Variants in C3orf38 observed in about 807,000 individuals in gnomAD.
C3orf38 encodes the protein uncharacterized protein C3orf38.
In C3orf38, 18 loss-of-function variants were observed where a neutral mutation model predicts 28.3. The ratio of observed to expected loss-of-function variants is 0.64; its 90% CI spans 0.44 to 0.94. The LOEUF is 0.94. C3orf38 is among the 40% of genes least tolerant of loss of function. The probability of loss-of-function intolerance (pLI) is 0.00; values close to 1 mark genes in which losing one functional copy is unlikely to be tolerated. For synonymous variants in C3orf38, 145 were observed against 138.1 expected (o/e 1.05, Z -0.35); for missense variants, 364 against 396.4 (o/e 0.92, Z 0.69).
intron 1 of C3orf38, among the ~76,000 whole-genome samples, chr3:88,150,436 A>G (rs1046840503): frequency 2.0e-5 from 3 of 152,214 alleles, no homozygotes; most frequent in African/African-American, 7.2e-5. Flanking sequence ...AGTCATTTAA[A>G]TTTTTAAAAA....
rs1295713150 is a variant in C3orf38 at position 88,156,146 on chromosome 3, G to A, written c.501G>A (p.Trp167Ter). ...NPFLGPPQDE[W>*]GPQHFWHDVK... is the part of the protein sequence containing the mutation. Reference sequence around the variant, plus strand: ...TTCTAGGACCACCTCAAGATGAATGGGGACCACAGCACTTCTGGCATGATG... The same window carrying A: ...TTCTAGGACCACCTCAAGATGAATGAGGACCACAGCACTTCTGGCATGATG... The change falls in exon 3 of 3, where the codon TGG (tryptophan) becomes TGA (stop). Residue 167 changes from tryptophan to a stop codon, truncating the protein, a stop_gained. Coordinates refer to ENST00000318887, the MANE Select transcript of C3orf38 (RefSeq NM_173824.4). LOFTEE classifies it high-confidence loss of function. 1.6e-5 allele frequency: 26 copies of A among 1,613,692 alleles called. No individual in the cohort carries two copies. Among genetic ancestry groups the A allele is most frequent in the Non-Finnish European group, 2.2e-5 (26 of 1,179,882 alleles).
At chr3:88,150,794 G>A (rs1216268565) in intron 1 of C3orf38, 1 of 152,190 alleles carries the variant, frequency 6.6e-6, no homozygotes, top group Non-Finnish European at 1.5e-5. Context: ...GTGTCGGGTA[G>A]CTAGTTTTAT....
At chr3:88,154,899 C>T (rs1319948725) in intron 2 of C3orf38, among the ~76,000 whole-genome samples, 1 of 151,252 alleles carries the variant, frequency 6.6e-6, no homozygotes, top group Non-Finnish European at 1.5e-5. Context: ...TGCCCTGTCA[C>T]CCAGGCTGGA....
rs934207874 is a variant in C3orf38 at position 88,157,383 on chromosome 3, A to C, written c.*748A>C. 1 of 152,222 alleles carries C rather than the reference A, an allele frequency of 6.6e-6. No homozygotes were observed. Among genetic ancestry groups the C allele is most frequent in the Non-Finnish European group, 1.5e-5 (1 of 68,026 alleles). 9.4% of individuals were successfully genotyped at this position (152,222 alleles called of 1,614,324 possible). ...CTTTATTCTTACCTAGGCTTCAGAC[A>C]ACAGTTTTATAGAGCAGTTACTGTA... On this transcript the variant is annotated 3_prime_UTR_variant, in exon 3 of 3. Coordinates refer to ENST00000318887, the MANE Select transcript of C3orf38 (RefSeq NM_173824.4).
In C3orf38 at chr3:88,150,035, T is replaced by TC. The variant is rs11374933; in HGVS notation, c.-11dup. The TC allele has an allele frequency of 0.83, 1,327,708 of 1,604,646 alleles. 554,598 individuals carry two copies. The highest frequency in any genetic ancestry group is 0.9 in the South Asian group (81,700 of 90,526). On this transcript the variant is annotated 5_prime_UTR_variant, in exon 1 of 3. Coordinates refer to ENST00000318887, the MANE Select transcript of C3orf38 (RefSeq NM_173824.4). The stretch of plus-strand genomic sequence containing the variant: ...GGGGCGACATTGTTGCCGTTGTCTT[T>TC]CCCCCCCAGTCCCGGGGATGGAGAT...
chr3:88,157,894 C>T lies in C3orf38; in HGVS notation c.*1259C>T, dbSNP rs550174500. The T allele has an allele frequency of 5.9e-5, 9 of 151,834 alleles. No homozygotes were observed. The highest frequency in any genetic ancestry group is 2.2e-4 in the African/African-American group (9 of 41,418). 9.4% of individuals were successfully genotyped at this position (151,834 alleles called of 1,614,324 possible). ...TGTTTTTTTAATGCTATGCCTCTTACGAGGAATACGAATTGGTATGTCCTA... is the reference window on the plus strand; with the variant it reads ...TGTTTTTTTAATGCTATGCCTCTTATGAGGAATACGAATTGGTATGTCCTA... On this transcript the variant is annotated 3_prime_UTR_variant, in exon 3 of 3. Transcript: ENST00000318887.
intron 2 of C3orf38, among the ~76,000 whole-genome samples, chr3:88,154,964 C>T (rs550501968): frequency 9.2e-4 from 139 of 151,862 alleles, no homozygotes; most frequent in Middle Eastern, 6.8e-3. Flanking sequence ...GGTTCAAGCA[C>T]TTCTCCTGCC....
At chr3:88,152,307 G>A (rs1315108607) in intron 1 of C3orf38, among the ~76,000 whole-genome samples, 2 of 152,110 alleles carry the variant, frequency 1.3e-5, no homozygotes, top group African/African-American at 4.8e-5. Context: ...CCCCTTGGGA[G>A]ACTGAGGGAG....
At chr3:88,150,306 T>A in intron 1 of C3orf38, 121 bp downstream of exon 1, 2 of 1,187,954 alleles carry the variant, frequency 1.7e-6, no homozygotes, top group Non-Finnish European at 2.3e-6. Context: ...CTGGAACCAC[T>A]ACGCCGACTT....
intron 1 of C3orf38, among the ~76,000 whole-genome samples, chr3:88,152,697 G>A (rs1279350453): frequency 6.7e-6 from 1 of 148,792 alleles, no homozygotes; most frequent in East Asian, 2.0e-4. Context: ...GGAGCTTGCA[G>A]TAATCCCAGA....
chr3:88,152,041 G>A (rs1238717501), intron 1 of C3orf38, among the ~76,000 whole-genome samples: 1 of 152,188 alleles, frequency 6.6e-6, no homozygotes, highest in Non-Finnish European at 1.5e-5. Context: ...CCTAAGCTAG[G>A]GGGTATGCAT....
At chr3:88,154,206 ATTTTC>A (rs1171127118) in intron 2 of C3orf38, among the ~76,000 whole-genome samples, 6 of 152,070 alleles carry the variant, frequency 3.9e-5, no homozygotes, top group Admixed American at 1.3e-4. Context: ...TTTAAAAAAA[ATTTTC>A]TTTTAAGTTC....
rs748380297 is a variant in C3orf38, at chr3:88,156,480, A to G, written c.835A>G (p.Ser279Gly). 86 of 1,614,098 alleles carry G rather than the reference A, an allele frequency of 5.3e-5. No homozygotes were observed. Among genetic ancestry groups the G allele is most frequent in the Middle Eastern group, 4.9e-4 (3 of 6,082 alleles). The change falls in exon 3 of 3, where the codon AGT becomes GGT. Residue 279 changes from serine to glycine, a missense_variant. Ser to Gly is a moderately conservative substitution (Grantham distance 56). Transcript: ENST00000318887. ...TATCAACCTGAAAATTATGGGAGAGAGTTCCCTTGCTCCTGGAACATTACC... is the reference window on the plus strand; with the variant it reads ...TATCAACCTGAAAATTATGGGAGAGGGTTCCCTTGCTCCTGGAACATTACC... ...KFINLKIMGE[S>G]SLAPGTLPKP...
intron 2 of C3orf38, among the ~76,000 whole-genome samples, chr3:88,155,105 C>T (rs1285506295): frequency 6.6e-6 from 1 of 152,126 alleles, no homozygotes; most frequent in African/African-American, 2.4e-5. Context: ...AGTGATCTGC[C>T]TGCCTCAGCC....
In C3orf38 at chr3:88,156,342, A is replaced by G. The variant is rs1183779201; in HGVS notation, c.697A>G (p.Met233Val). The change falls in exon 3 of 3, where the codon ATG becomes GTG. Residue 233 changes from methionine to valine, a missense_variant. Physicochemically the swap from Met to Val is conservative, Grantham distance 21. Coordinates refer to ENST00000318887, the MANE Select transcript of C3orf38 (RefSeq NM_173824.4). ...TGCATCTTCTCCTCATGGGCTGGTT[A>G]TGGTTGGAGTTGCTGGGACTGTCCA... ...KCASSPHGLV[M>V]VGVAGTVHRG... 2 of 1,614,180 alleles carry G rather than the reference A, an allele frequency of 1.2e-6. No homozygotes were observed. Among genetic ancestry groups the G allele is most frequent in the East Asian group, 4.5e-5 (2 of 44,874 alleles).
Position 88,156,832 on chromosome 3 carries a change from A to G in C3orf38, c.*197A>G. 1.7e-6 allele frequency: 1 copy of G among 573,568 alleles called. No individual in the cohort carries two copies. The allele number at this position is 573,568 out of a possible 1,614,324, so 35.5% of individuals were successfully genotyped here. On this transcript the variant is annotated 3_prime_UTR_variant, in exon 3 of 3. Transcript: ENST00000318887. The stretch of plus-strand genomic sequence containing the variant: ...ATACCTTTCTGGACTACAGACTTAC[A>G]TATCATGTGAATACTTACCTATTTC...
chr3:88,150,572 T>A (rs1707395929), intron 1 of C3orf38: 1 of 159,670 alleles, frequency 6.3e-6, no homozygotes, highest in Non-Finnish European at 1.4e-5. Flanking sequence ...ACATTTTGTA[T>A]GTCTCTGGTA....
rs7427416 is a variant in C3orf38 at position 88,156,698 on chromosome 3, C to T, written c.*63C>T. The T allele has an allele frequency of 2.0e-6, 3 of 1,516,618 alleles. No individual in the cohort carries two copies. Among genetic ancestry groups the T allele is most frequent in the Non-Finnish European group, 2.7e-6 (3 of 1,129,656 alleles). 93.9% of individuals were successfully genotyped at this position (1,516,618 alleles called of 1,614,324 possible). The stretch of plus-strand genomic sequence containing the variant: ...TGGGTTTACCTGACCCTCTAAAGCG[C>T]TAAGTACTGTCAGCCTGAAAAAAAT... On this transcript the variant is annotated 3_prime_UTR_variant, in exon 3 of 3. Coordinates refer to ENST00000318887, the MANE Select transcript of C3orf38 (RefSeq NM_173824.4).
chr3:88,155,145 C>T (rs1332135566), intron 2 of C3orf38, among the ~76,000 whole-genome samples: 2 of 152,000 alleles, frequency 1.3e-5, no homozygotes, highest in Non-Finnish European at 2.9e-5. Context: ...CAGGCATGAA[C>T]CACCACGCCC....
Sources: allele counts gnomAD v4.1 joint callset (sites outside exome capture counted in the v4.1 genomes callset), GRCh38; gene constraint gnomAD v4.1.1; transcripts MANE v1.5; gene names NCBI Gene and HGNC (gene_info 2026-07-23, HGNC 2026-07-21).